Variants in ENOSF1 observed in about 807,000 individuals in gnomAD.
ENOSF1 encodes the protein mitochondrial enolase superfamily member 1.
ENOSF1 carries 73 observed loss-of-function variants against 68.2 expected under a neutral mutation model. That is an observed-to-expected ratio of 1.07 (90% confidence interval 0.89 to 1.30). ENOSF1 has a LOEUF of 1.30. ENOSF1 is among the 50% of genes most tolerant of loss of function. The pLI, the probability that ENOSF1 is intolerant of heterozygous loss-of-function variation, is 0.00. For missense variants in ENOSF1, 589 were observed against 554.5 expected (o/e 1.06, Z -0.62); for synonymous variants, 223 against 210.4 (o/e 1.06, Z -0.52).
intron 1 of ENOSF1, chr18:712,278 G>A (rs2079646282): frequency 2.6e-6 from 4 of 1,530,850 alleles, no homozygotes; most frequent in East Asian, 4.9e-5. Context: ...GAAGCAATGG[G>A]TTCGAAGTCG....
In ENOSF1 at chr18:672,636, G is replaced by A. The variant is rs2075114546; in HGVS notation, c.*1669C>T. 2.6e-6 allele frequency: 1 copy of A among 378,784 alleles called. No individual in the cohort carries two copies. The allele number at this position is 378,784 out of a possible 1,614,324, so 23.5% of individuals were successfully genotyped here. A position where few individuals can be genotyped will look rare whatever the true frequency, so the allele number is the denominator to read the frequency against. On this transcript the variant is annotated 3_prime_UTR_variant, in exon 16 of 16. Transcript: ENST00000647584. ...CCTGATGAGGCACCAGGCTCCTGATGCTGTGTAATGTCACAAAATACCCCT... is the reference window on the plus strand; with the variant it reads ...CCTGATGAGGCACCAGGCTCCTGATACTGTGTAATGTCACAAAATACCCCT...
chr18:670,830 T>C lies in ENOSF1; in HGVS notation c.*3475A>G. 6.2e-7 allele frequency: 1 copy of C among 1,614,096 alleles called. No individual in the cohort carries two copies. The highest frequency in any genetic ancestry group is 8.5e-7 in the Non-Finnish European group (1 of 1,180,024). On this transcript the variant is annotated 3_prime_UTR_variant, in exon 16 of 16. Transcript: ENST00000647584. ...CCTTTCAACATCGCCAGCTACGCCC[T>C]GCTCACGTACATGATTGCGCACATC... is the stretch of plus-strand genomic sequence containing the variant.
chr18:673,211 G>T lies in ENOSF1; in HGVS notation c.*1094C>A, dbSNP rs16948409. The T allele has an allele frequency of 5.9e-3, 2,495 of 425,226 alleles. 54 individuals are homozygous for T. Among genetic ancestry groups the T allele is most frequent in the African/African-American group, 0.044 (2,251 of 51,474 alleles). The allele number at this position is 425,226 out of a possible 1,614,324, so 26.3% of individuals were successfully genotyped here. A position where few individuals can be genotyped will look rare whatever the true frequency, so the allele number is the denominator to read the frequency against. ...AAGGCTTTGAGTTAACTCACTGAGG[G>T]TATCTGACAATGCTGAGGTTATGAA... On this transcript the variant is annotated 3_prime_UTR_variant, in exon 16 of 16. Coordinates refer to ENST00000647584, the MANE Select transcript of ENOSF1 (RefSeq NM_017512.7).
chr18:690,401 A>G, intron 8 of ENOSF1, 148 bp downstream of exon 8: 1 of 813,564 alleles, frequency 1.2e-6, no homozygotes, highest in Middle Eastern at 2.9e-4. Flanking sequence ...GTCCACAGAG[A>G]AGTGGAGAAC....
intron 2 of ENOSF1, among the ~76,000 whole-genome samples, chr18:701,619 G>C (rs952664542): frequency 3.3e-5 from 5 of 152,008 alleles, no homozygotes; most frequent in African/African-American, 1.2e-4. Flanking sequence ...TTAGCCGGGC[G>C]TGGTGGCAGG....
At chr18:694,034 G>T in intron 4 of ENOSF1, 126 bp from the exon 5 acceptor site, 2 of 1,118,312 alleles carry the variant, frequency 1.8e-6, no homozygotes, top group Non-Finnish European at 2.6e-6. Flanking sequence ...CCCCTCTACT[G>T]CTGCCTGCGC....
At position 673,257 on chromosome 18, in the gene ENOSF1, G is replaced by T. The variant is rs955556358; in HGVS notation, c.*1048C>A. ...ATGAACAAAGTGAGGAGAATGAAAT[G>T]TATGTGCTCTTAGCAAAAACATGTA... On this transcript the variant is annotated 3_prime_UTR_variant, in exon 16 of 16. Transcript: ENST00000647584. 1 of 311,974 alleles carries T rather than the reference G, an allele frequency of 3.2e-6. No individual in the cohort carries two copies. The highest frequency in any genetic ancestry group is 5.8e-6 in the Non-Finnish European group (1 of 171,636). 19.3% of individuals were successfully genotyped at this position (311,974 alleles called of 1,614,324 possible). A position where few individuals can be genotyped will look rare whatever the true frequency, so the allele number is the denominator to read the frequency against.
chr18:663,854 C>G, the ENOSF1 span, among the ~76,000 whole-genome samples: 7 of 109,760 alleles, frequency 6.4e-5, 1 homozygote, highest in South Asian at 1.2e-3. Flanking sequence ...TCTGAGGGCT[C>G]TGTTCTGTTC....
intron 1 of ENOSF1, among the ~76,000 whole-genome samples, chr18:712,130 G>A (rs1405020795): frequency 3.3e-4 from 50 of 152,184 alleles, no homozygotes; most frequent in Admixed American, 3.1e-3. Flanking sequence ...CAAAATGTGA[G>A]TCGTAAAAGT....
chr18:710,965 T>C (rs944519439), intron 1 of ENOSF1, among the ~76,000 whole-genome samples: 7 of 152,082 alleles, frequency 4.6e-5, no homozygotes, highest in Non-Finnish European at 8.8e-5. Flanking sequence ...AAAGGAAACA[T>C]GAAGATTTTA....
chr18:672,841 G>A lies in ENOSF1; in HGVS notation c.*1464C>T. The A allele has an allele frequency of 1.3e-6, 2 of 1,545,182 alleles. No homozygotes were observed. The highest frequency in any genetic ancestry group is 1.8e-6 in the Non-Finnish European group (2 of 1,131,264). ...GGTCGTACAATTATGGCAAAATAAT[G>A]GCCTTATTTTGTTTTTAGCTTCAGC... is the stretch of plus-strand genomic sequence containing the variant. On this transcript the variant is annotated 3_prime_UTR_variant, in exon 16 of 16. Coordinates refer to ENST00000647584, the MANE Select transcript of ENOSF1 (RefSeq NM_017512.7).
intron 8 of ENOSF1, among the ~76,000 whole-genome samples, chr18:688,849 G>C (rs1003349577): frequency 2.0e-5 from 3 of 152,130 alleles, no homozygotes; most frequent in Non-Finnish European, 4.4e-5. Flanking sequence ...CAACCTTCCC[G>C]GAAGGGGAAG....
chr18:702,565 ACT>A (rs773867134), intron 2 of ENOSF1, among the ~76,000 whole-genome samples: 67 of 151,740 alleles, frequency 4.4e-4, no homozygotes, highest in Non-Finnish European at 9.4e-4. Flanking sequence ...ACAGAGCGAG[ACT>A]CTGTCTCTCA....
chr18:678,270 T>G (rs1342733233), intron 12 of ENOSF1: 1 of 278,100 alleles, frequency 3.6e-6, no homozygotes, highest in Non-Finnish European at 6.8e-6. Context: ...CCGGGAAAAC[T>G]GAGAATCAGC....
chr18:697,213 A>C, intron 3 of ENOSF1, 27 bp downstream of exon 3: 1 of 1,497,034 alleles, frequency 6.7e-7, no homozygotes, highest in Non-Finnish European at 9.3e-7. Flanking sequence ...TTACTTATGT[A>C]AGCATTTTAC....
intron 2 of ENOSF1, among the ~76,000 whole-genome samples, chr18:702,014 G>A (rs7239720): frequency 0.63 from 94,772 of 151,486 alleles, 30,232 homozygotes; most frequent in African/African-American, 0.78. Context: ...CTGCAATCCC[G>A]TCACTTTGGG....
chr18:669,835 A>G (rs1427504894), downstream of ENOSF1, among the ~76,000 whole-genome samples: 2 of 151,230 alleles, frequency 1.3e-5, no homozygotes, highest in Non-Finnish European at 3.0e-5. Context: ...GGTGGCTCAC[A>G]CCTGTAATTC....
rs376011327 is a variant in ENOSF1, at chr18:685,971, T to A, written c.691A>T (p.Met231Leu). Residue 231 changes from methionine (M) to leucine (L), a missense_variant, in exon 10 of 16, where the codon ATG (methionine) becomes TTG (leucine). Coordinates refer to ENST00000647584, the MANE Select transcript of ENOSF1 (RefSeq NM_017512.7). ...TCTCGGATGATTTGGCATCTTCGCATGTCATCCTGGAGATCAGCACCCACC... is the reference window on the plus strand; with the variant it reads ...TCTCGGATGATTTGGCATCTTCGCAAGTCATCCTGGAGATCAGCACCCACC... ...VKVGADLQDD[M>L]RRCQIIRDMI... 129 of 1,614,058 alleles carry A rather than the reference T, an allele frequency of 8.0e-5. No homozygotes were observed. Among genetic ancestry groups the A allele is most frequent in the Non-Finnish European group, 1.1e-4 (128 of 1,180,036 alleles).
rs1333392508 is a variant in ENOSF1 at position 690,864 on chromosome 18, T to C, written c.535+204A>G. ...CTACAGTGTAATCCTAAAGCCAAAC[T>C]TCCTTTCAGCAGTGGCTGAAGCAAA... is the stretch of plus-strand genomic sequence containing the variant. On this transcript the variant is annotated intron_variant, in intron 7 of 15. Transcript: ENST00000647584. The C allele has an allele frequency of 2.2e-6, 3 of 1,364,746 alleles. 1 individual carries two copies. In the South Asian group the frequency reaches 4.5e-5, roughly 21 times the overall value. The allele number at this position is 1,364,746 out of a possible 1,614,324, so 84.5% of individuals were successfully genotyped here.
Sources: gnomAD v4.1 joint callset for allele counts (sites outside exome capture counted in the v4.1 genomes callset) on GRCh38, gnomAD v4.1.1 for gene constraint, MANE v1.5 for transcripts, NCBI Gene and HGNC (gene_info 2026-07-23, HGNC 2026-07-21) for gene names.